The following MYH10 variants were observed in gnomAD, a reference collection of about 807,000 sequenced individuals.
The protein encoded by MYH10 is myosin-10.
In MYH10, 55 loss-of-function variants were observed where a neutral mutation model predicts 257.8. The observed-to-expected ratio is 0.21, with a 90% CI of 0.17 to 0.27. MYH10 has a LOEUF of 0.27. Among genes scored for constraint, MYH10 ranks in the 10% least tolerant of loss-of-function variants. The pLI is 1.00. For synonymous variants in MYH10, 854 were observed against 921.7 expected (o/e 0.93, Z 1.33); for missense variants, 1,631 against 2,500.6 (o/e 0.65, Z 7.42).
At chr17:8,505,962 AGAGT>A in intron 27 of MYH10, 1 of 160,664 alleles carries the variant, frequency 6.2e-6, no homozygotes, top group Admixed American at 6.5e-5. Flanking sequence ...CCTGGGTGAC[AGAGT>A]GAGACTCCAT....
At position 8,555,480 on chromosome 17, in the gene MYH10, T is replaced by C. The variant is rs188801444; in HGVS notation, c.757-1462A>G. On this transcript the variant is annotated intron_variant, in intron 7 of 42. Coordinates refer to ENST00000360416, the MANE Select transcript of MYH10 (RefSeq NM_001256012.3). ...CAGAAGACAGTCCAGGAATTGATCATGTATGTAAGTTAATTCATTTCAACA... is the reference window on the plus strand; with the variant it reads ...CAGAAGACAGTCCAGGAATTGATCACGTATGTAAGTTAATTCATTTCAACA... Among the ~76,000 whole-genome samples the C allele has an allele frequency of 2.1e-3, 319 of 152,346 alleles. 2 individuals are homozygous for C. The highest frequency in any genetic ancestry group is 7.2e-3 in the African/African-American group (299 of 41,582).
chr17:8,540,898 C>A (rs981067267), intron 14 of MYH10, among the ~76,000 whole-genome samples: 1 of 152,230 alleles, frequency 6.6e-6, no homozygotes, highest in Non-Finnish European at 1.5e-5. Context: ...GAAGTCACTA[C>A]AAGCATGCCA....
intron 7 of MYH10, among the ~76,000 whole-genome samples, chr17:8,563,727 T>C (rs762954681): frequency 1.3e-5 from 2 of 152,112 alleles, no homozygotes; most frequent in African/African-American, 4.8e-5. Flanking sequence ...TTTTGATAAA[T>C]AGATATGAGG....
chr17:8,504,656 G>C lies in MYH10; in HGVS notation c.3599+38C>G, dbSNP rs371104756. On this transcript the variant is annotated intron_variant, in intron 28 of 42. Transcript: ENST00000360416. This position sits in a 1 kb window ranked among gnomAD's most constrained non-coding sequence, Gnocchi z 5.6. ...TCTGCACGGGCTCGGTGGAGAGGTCGGCAGGCGCCCGGGCCCTGCTTCCTC... is the reference window on the plus strand; with the variant it reads ...TCTGCACGGGCTCGGTGGAGAGGTCCGCAGGCGCCCGGGCCCTGCTTCCTC... 1.3e-6 allele frequency: 2 copies of C among 1,585,712 alleles called. No individual in the cohort carries two copies.
At chr17:8,499,108 T>C (rs1447813420) in intron 30 of MYH10, among the ~76,000 whole-genome samples, 162 bp downstream of exon 30, 1 of 152,182 alleles carries the variant, frequency 6.6e-6, no homozygotes, top group Non-Finnish European at 1.5e-5. Context: ...ATCAAAGTAA[T>C]AGACACTAGG....
Position 8,476,899 on chromosome 17 carries a change from G to A in MYH10, c.5856C>T (p.Val1952=). Residue 1952 remains valine, a synonymous_variant, in exon 42 of 43, where the codon GTC becomes GTT. Transcript: ENST00000360416. The part of the protein sequence containing the change: ...TEANEGLSRE[V]STLKNRLRRG... ...ACCTCAGCCGGTTCTTCAGGGTGCT[G>A]ACCTCGCGGCTCAGGCCCTCGTTGG... 1 of 1,611,186 alleles carries A rather than the reference G, an allele frequency of 6.2e-7. No homozygotes were observed. The highest frequency in any genetic ancestry group is 8.5e-7 in the Non-Finnish European group (1 of 1,179,934).
intron 1 of MYH10, among the ~76,000 whole-genome samples, chr17:8,624,502 C>G (rs192703242): frequency 1.3e-5 from 2 of 152,228 alleles, no homozygotes; most frequent in African/African-American, 2.4e-5. Context: ...CTATCAAATC[C>G]CCACTTCTCC....
At position 8,480,265 on chromosome 17, in the gene MYH10, A is replaced by G; in HGVS notation, c.5442T>C (p.Ser1814=). Residue 1814 remains serine (S), a synonymous_variant, in exon 40 of 43, where the codon AGT becomes AGC. Transcript: ENST00000360416. Reference sequence around the variant, plus strand: ...GCTCCAGTTGCTGGCGTGCATTGTCACTCTTCTGGGCGGCGCTGCGCTCGG... The same window carrying G: ...GCTCCAGTTGCTGGCGTGCATTGTCGCTCTTCTGGGCGGCGCTGCGCTCGG... ...LAAERSAAQK[S]DNARQQLERQ... is the part of the protein sequence containing the mutation. 2 of 1,613,120 alleles carry G rather than the reference A, an allele frequency of 1.2e-6. No homozygotes were observed. The highest frequency in any genetic ancestry group is 1.7e-6 in the Non-Finnish European group (2 of 1,179,822).
At chr17:8,499,220 T>C (rs1002238819) in intron 30 of MYH10, 50 bp downstream of exon 30, 1 of 1,563,300 alleles carries the variant, frequency 6.4e-7, no homozygotes. Context: ...AATGGTAAAT[T>C]AGGGACATGC....
chr17:8,560,897 G>A, intron 7 of MYH10: 1 of 517,506 alleles, frequency 1.9e-6, no homozygotes, highest in South Asian at 1.7e-5. Flanking sequence ...GGAAGCCATG[G>A]AGTGCTCTGG....
chr17:8,616,685 T>C (rs963921152), intron 2 of MYH10, among the ~76,000 whole-genome samples: 50 of 152,056 alleles, frequency 3.3e-4, no homozygotes, highest in African/African-American at 1.1e-3. Flanking sequence ...ATTATAAAGA[T>C]CTAATTTCTC....
In MYH10 at chr17:8,492,475, T is replaced by C. The variant is rs1452747224; in HGVS notation, c.4493A>G (p.Tyr1498Cys). ...TTCGGCCCGGTCCCGCTCTTCGGCA[T>C]AGCGAGCAGAGATGCTCTTCTCTTC... ...LAEEKSISAR[Y>C]AEERDRAEAE... is the part of the protein sequence containing the mutation. Residue 1498 changes from tyrosine (Y) to cysteine (C), a missense_variant, in exon 34 of 43, where the codon TAT (tyrosine) becomes TGT (cysteine). By Grantham distance (194) the Tyr-to-Cys change is radical. This residue lies in a region of MYH10 where 463 missense variants were observed against 621.8 expected (regional missense o/e 0.74). Coordinates refer to ENST00000360416, the MANE Select transcript of MYH10 (RefSeq NM_001256012.3). 4 of 1,612,370 alleles carry C rather than the reference T, an allele frequency of 2.5e-6. No homozygotes were observed. In the South Asian group the frequency reaches 3.3e-5, roughly 13 times the overall value.
At chr17:8,629,857 C>A (rs1023820983) in intron 1 of MYH10, among the ~76,000 whole-genome samples, 2 of 151,850 alleles carry the variant, frequency 1.3e-5, no homozygotes, top group African/African-American at 2.4e-5. Flanking sequence ...CCACGGAGGG[C>A]GCGGCAGGAC....
chr17:8,515,555 T>C (rs980567896), intron 21 of MYH10, among the ~76,000 whole-genome samples: 2 of 89,580 alleles, frequency 2.2e-5, no homozygotes, highest in African/African-American at 8.3e-5. Flanking sequence ...TTTTTTTTTT[T>C]TTTTTGAGAC....
In MYH10 at chr17:8,576,645, G is replaced by A. The variant is rs781478518; in HGVS notation, c.661C>T (p.Gln221Ter). ...GAAGCATAAAGAAGAGCACTTGCCTGGTGTTTCACTGGTTTAGGCGATTCC... is the reference window on the plus strand; with the variant it reads ...GAAGCATAAAGAAGAGCACTTGCCTAGTGTTTCACTGGTTTAGGCGATTCC... ...PQESPKPVKH[Q>*]GELERQLLQA... Residue 221 changes from glutamine to a stop codon, truncating the protein, a stop_gained and splice_region_variant, in exon 6 of 43, where the codon CAG becomes TAG. Transcript: ENST00000360416. LOFTEE classifies it high-confidence loss of function. The A allele has an allele frequency of 5.8e-6, 9 of 1,550,588 alleles. 1 individual carries two copies. The South Asian group carries it at 7.1e-5, about 12-fold the overall frequency.
intron 3 of MYH10, among the ~76,000 whole-genome samples, chr17:8,591,574 G>T (rs374956268): frequency 7.9e-5 from 12 of 152,112 alleles, no homozygotes; most frequent in Non-Finnish European, 1.3e-4. Flanking sequence ...ACTATACCAA[G>T]TTGTTTATGG....
chr17:8,493,960 CAT>C, intron 31 of MYH10, 75 bp from the exon 32 acceptor site: 3 of 1,491,782 alleles, frequency 2.0e-6, no homozygotes, highest in Non-Finnish European at 2.7e-6. Flanking sequence ...TTAAAGAATT[CAT>C]GTCGTACAAA....
chr17:8,611,861 A>G (rs2152088886), intron 2 of MYH10, among the ~76,000 whole-genome samples: 1 of 152,296 alleles, frequency 6.6e-6, no homozygotes, highest in South Asian at 2.1e-4. Context: ...ATGGCTAAGA[A>G]TTTTCCCGGA....
At chr17:8,493,421 G>A (rs1567792036) in intron 32 of MYH10, among the ~76,000 whole-genome samples, 1 of 151,818 alleles carries the variant, frequency 6.6e-6, no homozygotes, top group Admixed American at 6.6e-5. Flanking sequence ...TATTTTGAGA[G>A]AAGAAAAATC....
Sources: gnomAD v4.1 joint callset for allele counts (sites outside exome capture counted in the v4.1 genomes callset) on GRCh38, gnomAD v4.1.1 for gene constraint, gnomAD v4.1.1 regional missense constraint, Gnocchi (gnomAD v3.1) non-coding constraint, MANE v1.5 for transcripts, NCBI Gene and HGNC (gene_info 2026-07-23, HGNC 2026-07-21) for gene names.